Variants in MED8 observed in about 807,000 individuals in gnomAD.
MED8 encodes mediator of RNA polymerase II transcription subunit 8.
MED8 carries 22 observed loss-of-function variants against 34.8 expected under a neutral mutation model. The observed-to-expected ratio is 0.63, with a 90% CI of 0.45 to 0.90. The LOEUF (loss-of-function observed/expected upper bound fraction) is 0.90, where lower values mean the gene tolerates loss of function less well. Among genes scored for constraint, MED8 ranks in the 40% least tolerant of loss-of-function variants. The pLI is 0.00. For synonymous variants in MED8, 105 were observed against 120.2 expected (o/e 0.87, Z 0.83); for missense variants, 260 against 326.3 (o/e 0.80, Z 1.57).
At position 43,384,474 on chromosome 1, in the gene MED8, T is replaced by G; in HGVS notation, c.*568A>C. The G allele has an allele frequency of 3.1e-6, 5 of 1,608,208 alleles. No homozygotes were observed. The highest frequency in any genetic ancestry group is 3.4e-6 in the Non-Finnish European group (4 of 1,177,282). ...TTCACCAGAGCTGCAGGTGGGCATT[T>G]TTTTTTCCTTCCTGGCCCAGAAGCT... is the stretch of plus-strand genomic sequence containing the variant. On this transcript the variant is annotated 3_prime_UTR_variant, in exon 7 of 7. Transcript: ENST00000372457.
At position 43,389,755 on chromosome 1, in the gene MED8, T is replaced by C. The variant is rs371796670; in HGVS notation, c.6+4A>G. On this transcript the variant is annotated splice_donor_region_variant and intron_variant, in intron 1 of 6. Coordinates refer to ENST00000372457, the MANE Select transcript of MED8 (RefSeq NM_201542.5). Reference sequence around the variant, plus strand: ...GCCGCTAGTACGCCCAACGCAACTCTCACCTGCATTGCGGCGGCCGAGGCG... The same window carrying C: ...GCCGCTAGTACGCCCAACGCAACTCCCACCTGCATTGCGGCGGCCGAGGCG... The C allele has an allele frequency of 3.7e-5, 60 of 1,608,394 alleles. No individual in the cohort carries two copies. The highest frequency in any genetic ancestry group is 4.6e-5 in the Non-Finnish European group (54 of 1,177,732).
chr1:43,386,929 C>G lies in MED8; in HGVS notation c.340G>C (p.Asp114His). The G allele has an allele frequency of 6.2e-7, 1 of 1,614,038 alleles. No homozygotes were observed. Among genetic ancestry groups the G allele is most frequent in the Non-Finnish European group, 8.5e-7 (1 of 1,179,904 alleles). The change falls in exon 4 of 7, where the codon GAC becomes CAC. Residue 114 changes from aspartate to histidine, a missense_variant. Transcript: ENST00000372457. The surrounding 1 kb of genome is among the most constrained non-coding windows in gnomAD (Gnocchi z 4.9). ...VVPDHLRTKPDPEVEEQEKQL... is the reference protein window; with the variant it reads ...VVPDHLRTKPHPEVEEQEKQL... The stretch of plus-strand genomic sequence containing the variant: ...TTCTCCTGTTCTTCCACTTCAGGGT[C>G]AGGCTTGGTTCTCAGATGGTCAGGG...
Position 43,386,142 on chromosome 1 carries a change from TTAGA to T in MED8, c.574_577del (p.Ser192IlefsTer62). 3 of 1,614,020 alleles carry T rather than the reference TTAGA, an allele frequency of 1.9e-6. No individual in the cohort carries two copies. Among genetic ancestry groups the T allele is most frequent in the African/African-American group, 1.3e-5 (1 of 75,052 alleles). ...ACCACTGCTGCCTGAAGGTCTCCAATTAGATAGTCCTTTCCCAAAGGCAACAGCT... is the reference window on the plus strand; with the variant it reads ...ACCACTGCTGCCTGAAGGTCTCCAATTAGTCCTTTCCCAAAGGCAACAGCT... On this transcript the variant is annotated frameshift_variant, in exon 6 of 7. Coordinates refer to ENST00000372457, the MANE Select transcript of MED8 (RefSeq NM_201542.5). LOFTEE classifies it high-confidence loss of function. The surrounding 1 kb of genome is among the most constrained non-coding windows in gnomAD (Gnocchi z 4.9).
At chr1:43,385,900 C>T in intron 6 of MED8, 78 bp downstream of exon 6, 1 of 1,583,636 alleles carries the variant, frequency 6.3e-7, no homozygotes, top group South Asian at 1.1e-5. Context: ...TCTAGAGATG[C>T]TGGAGGCCCA....
At chr1:43,388,478 T>C (rs374354638) in intron 1 of MED8, 50 bp from the exon 2 acceptor site, 98 of 1,603,326 alleles carry the variant, frequency 6.1e-5, no homozygotes, top group African/African-American at 1.2e-4. Context: ...GTATGACACA[T>C]AGAAAGGAGG....
rs774244735 is a variant in MED8, at chr1:43,386,997, C to T, written c.272G>A (p.Arg91Gln). ...AACAGGCACCCGTCCTTCAGTCTGCCGCTGTAACACACAGATTTTATTGAT... is the reference window on the plus strand; with the variant it reads ...AACAGGCACCCGTCCTTCAGTCTGCTGCTGTAACACACAGATTTTATTGAT... ...LSPDRDEDLM[R>Q]QTEGRVPVFS... The change falls in exon 4 of 7, where the codon CGG becomes CAG. Residue 91 changes from arginine to glutamine, a missense_variant and splice_region_variant. Coordinates refer to ENST00000372457, the MANE Select transcript of MED8 (RefSeq NM_201542.5). This position sits in a 1 kb window ranked among gnomAD's most constrained non-coding sequence, Gnocchi z 4.9. 46 of 1,613,742 alleles carry T rather than the reference C, an allele frequency of 2.9e-5. No individual in the cohort carries two copies. Among genetic ancestry groups the T allele is most frequent in the Admixed American group, 6.7e-5 (4 of 59,990 alleles).
At chr1:43,385,895 A>G in intron 6 of MED8, 83 bp downstream of exon 6, 1 of 1,576,014 alleles carries the variant, frequency 6.3e-7, no homozygotes, top group South Asian at 1.2e-5. Flanking sequence ...CTAGGTCTAG[A>G]GATGCTGGAG....
chr1:43,385,427 A>T (rs890535028), intron 6 of MED8: 10 of 285,996 alleles, frequency 3.5e-5, no homozygotes, highest in Non-Finnish European at 6.6e-5. Flanking sequence ...TTTATATCAT[A>T]ATAAGTGCAG....
At chr1:43,385,309 G>A (rs1647690766) in intron 6 of MED8, 1 of 619,696 alleles carries the variant, frequency 1.6e-6, no homozygotes. Flanking sequence ...GAAGTGACAT[G>A]GGAGAATAGT....
At chr1:43,389,709 C>A in intron 1 of MED8, 50 bp downstream of exon 1, 1 of 1,602,174 alleles carries the variant, frequency 6.2e-7, no homozygotes, top group South Asian at 1.1e-5. Flanking sequence ...CACTCTCGGT[C>A]CCTGTACCCG....
chr1:43,388,509 G>A (rs1456311682), intron 1 of MED8, 81 bp from the exon 2 acceptor site: 4 of 1,574,414 alleles, frequency 2.5e-6, no homozygotes, highest in African/African-American at 1.3e-5. Context: ...CAAGGAGATG[G>A]TGTGCAACAC....
chr1:43,384,322 G>T lies in MED8; in HGVS notation c.*720C>A. The T allele has an allele frequency of 8.1e-7, 1 of 1,235,508 alleles. No individual in the cohort carries two copies. Among genetic ancestry groups the T allele is most frequent in the Non-Finnish European group, 1.1e-6 (1 of 912,038 alleles). The allele number at this position is 1,235,508 out of a possible 1,614,324, so 76.5% of individuals were successfully genotyped here. A position where few individuals can be genotyped will look rare whatever the true frequency, so the allele number is the denominator to read the frequency against. On this transcript the variant is annotated 3_prime_UTR_variant, in exon 7 of 7. Coordinates refer to ENST00000372457, the MANE Select transcript of MED8 (RefSeq NM_201542.5). ...ACCCTTTCCCACATAGTCCTGCCTG[G>T]CAGAGCCACTTCCTGAGAAAGCCTC... is the stretch of plus-strand genomic sequence containing the variant.
chr1:43,385,560 C>A, intron 6 of MED8: 1 of 247,482 alleles, frequency 4.0e-6, no homozygotes, highest in South Asian at 5.2e-5. Flanking sequence ...GCAAGAGAGG[C>A]AGGATACAGA....
intron 1 of MED8, 29 bp from the exon 2 acceptor site, chr1:43,388,457 C>T: frequency 6.2e-7 from 1 of 1,611,342 alleles, no homozygotes; most frequent in Non-Finnish European, 8.5e-7. Context: ...GTTGGTCACC[C>T]AGATAAACGA....
chr1:43,388,602 ACCC>A (rs1647871840), intron 1 of MED8, 174 bp from the exon 2 acceptor site: 1 of 1,073,024 alleles, frequency 9.3e-7, no homozygotes, highest in Non-Finnish European at 1.3e-6. Context: ...GACAGCATCA[ACCC>A]TGAGACCTTC....
rs1265268095 is a variant in MED8, at chr1:43,388,334, T to C, written c.101A>G (p.Glu34Gly). 6.2e-7 allele frequency: 1 copy of C among 1,613,562 alleles called. No individual in the cohort carries two copies. Among genetic ancestry groups the C allele is most frequent in the Non-Finnish European group, 8.5e-7 (1 of 1,179,880 alleles). The change falls in exon 2 of 7, where the codon GAG (glutamate) becomes GGG (glycine). Residue 34 changes from glutamate (E) to glycine (G), a missense_variant. By Grantham distance (98) the Glu-to-Gly change is moderately conservative. Coordinates refer to ENST00000372457, the MANE Select transcript of MED8 (RefSeq NM_201542.5). ...NSLGSFICKL[E>G]NEYGRLTWPS... ...CCAGGTCAGCCGGCCATACTCGTTCTCCAACTTGCAAATGAAACTCCCCAG... is the reference window on the plus strand; with the variant it reads ...CCAGGTCAGCCGGCCATACTCGTTCCCCAACTTGCAAATGAAACTCCCCAG...
chr1:43,385,699 A>C (rs1387348264), intron 6 of MED8: 7 of 453,040 alleles, frequency 1.5e-5, no homozygotes, highest in Non-Finnish European at 2.8e-5. Context: ...ATCTAATACC[A>C]GAATAAATGG....
At position 43,386,584 on chromosome 1, in the gene MED8, C is replaced by T; in HGVS notation, c.493+5G>A. The stretch of plus-strand genomic sequence containing the variant: ...TTCTCTGTTTAGCCACCAGTCCCAT[C>T]ATACCTCCACTCTCTGATTCTCGCT... On this transcript the variant is annotated splice_donor_5th_base_variant and intron_variant, in intron 5 of 6. Coordinates refer to ENST00000372457, the MANE Select transcript of MED8 (RefSeq NM_201542.5). The surrounding 1 kb of genome is among the most constrained non-coding windows in gnomAD (Gnocchi z 4.9). 6.2e-7 allele frequency: 1 copy of T among 1,610,266 alleles called. No individual in the cohort carries two copies. Among genetic ancestry groups the T allele is most frequent in the Non-Finnish European group, 8.5e-7 (1 of 1,178,102 alleles).
Position 43,384,676 on chromosome 1 carries a change from T to G in MED8, c.*366A>C, listed in dbSNP as rs137953600. On this transcript the variant is annotated 3_prime_UTR_variant, in exon 7 of 7. Coordinates refer to ENST00000372457, the MANE Select transcript of MED8 (RefSeq NM_201542.5). ...CCATTGACGTGAGGCAGTATCAGAT[T>G]AGGGTAAGTTCTGGATCAAGGACTG... The G allele has an allele frequency of 8.6e-5, 126 of 1,461,258 alleles. No homozygotes were observed. In the African/African-American group the frequency reaches 1.6e-3, roughly 18 times the overall value. 90.5% of individuals were successfully genotyped at this position (1,461,258 alleles called of 1,614,324 possible). A position where few individuals can be genotyped will look rare whatever the true frequency, so the allele number is the denominator to read the frequency against.
Sources: gnomAD v4.1 joint callset for allele counts on GRCh38, gnomAD v4.1.1 for gene constraint, Gnocchi (gnomAD v3.1) non-coding constraint, MANE v1.5 for transcripts, NCBI Gene and HGNC (gene_info 2026-07-23, HGNC 2026-07-21) for gene names.